Variants in MARCHF1 observed in about 807,000 individuals in gnomAD.
MARCHF1 encodes membrane associated ring-CH-type finger 1, also known as E3 ubiquitin-protein ligase MARCHF1.
A neutral mutation model predicts 54.2 loss-of-function variants in MARCHF1; 40 were observed. The observed-to-expected ratio is 0.74, with a 90% CI of 0.57 to 0.96. The LOEUF (loss-of-function observed/expected upper bound fraction) is 0.96. Ranked by LOEUF, MARCHF1 falls within the 40% of genes least tolerant of loss-of-function variation. The pLI is 0.00. For synonymous variants in MARCHF1, 236 were observed against 236.3 expected (o/e 1.00, Z 0.01); for missense variants, 586 against 656.5 (o/e 0.89, Z 1.17).
chr4:164,171,143 G>A (rs1450031000), intron 1 of MARCHF1, among the ~76,000 whole-genome samples: 3 of 152,086 alleles, frequency 2.0e-5, no homozygotes, highest in Admixed American at 6.6e-5. Context: ...CCAGAAAAAT[G>A]TCTTATGCAT....
chr4:163,808,987 G>A (rs114833165), intron 4 of MARCHF1, among the ~76,000 whole-genome samples: 2,280 of 152,196 alleles, frequency 0.015, 24 homozygotes, highest in Non-Finnish European at 0.022. Context: ...TCAAACGCCA[G>A]CACCACCTCT....
chr4:164,217,641 G>A (rs184242666), intron 1 of MARCHF1, among the ~76,000 whole-genome samples: 1 of 152,240 alleles, frequency 6.6e-6, no homozygotes, highest in East Asian at 1.9e-4. Context: ...AGCACTGATG[G>A]GCTAATCCTG....
intron 9 of MARCHF1, among the ~76,000 whole-genome samples, chr4:163,535,445 T>C (rs1055053622): frequency 6.6e-6 from 1 of 152,086 alleles, no homozygotes; most frequent in Non-Finnish European, 1.5e-5. Context: ...GACCTAGTAA[T>C]CTTTGATAGT....
At chr4:164,179,173 G>A (rs1342898294) in intron 1 of MARCHF1, among the ~76,000 whole-genome samples, 1 of 152,180 alleles carries the variant, frequency 6.6e-6, no homozygotes, top group Non-Finnish European at 1.5e-5. Flanking sequence ...GGAGCAGAAG[G>A]AGCTGGTGAT....
chr4:164,303,276 C>T (rs1455994134), intron 1 of MARCHF1, among the ~76,000 whole-genome samples: 1 of 152,178 alleles, frequency 6.6e-6, no homozygotes, highest in Admixed American at 6.5e-5. Context: ...TGTGACCAAA[C>T]TTTATGATTT....
At chr4:163,702,955 T>C (rs1276073345) in intron 4 of MARCHF1, among the ~76,000 whole-genome samples, 1 of 152,158 alleles carries the variant, frequency 6.6e-6, no homozygotes, top group Non-Finnish European at 1.5e-5. Flanking sequence ...GTGCTGGCAG[T>C]GATGTAAACT....
chr4:163,572,701 C>T (rs1739882325), intron 8 of MARCHF1, among the ~76,000 whole-genome samples: 1 of 151,996 alleles, frequency 6.6e-6, no homozygotes, highest in Non-Finnish European at 1.5e-5. Flanking sequence ...TATAGGTAAA[C>T]CTGTTTTTAC....
At chr4:164,293,478 T>C (rs1385648556) in intron 1 of MARCHF1, among the ~76,000 whole-genome samples, 3 of 152,224 alleles carry the variant, frequency 2.0e-5, no homozygotes, top group Non-Finnish European at 2.9e-5. Flanking sequence ...GATAAAACTT[T>C]CGAAAGCTCT....
At chr4:164,240,422 G>A (rs141608256) in intron 1 of MARCHF1, among the ~76,000 whole-genome samples, 1 of 152,072 alleles carries the variant, frequency 6.6e-6, no homozygotes, top group African/African-American at 2.4e-5. Context: ...AATTCCAATG[G>A]AGACTCCTCA....
chr4:163,756,663 A>G (rs1489451125), intron 4 of MARCHF1, among the ~76,000 whole-genome samples: 1 of 150,586 alleles, frequency 6.6e-6, no homozygotes, highest in African/African-American at 2.4e-5. Context: ...AAAAAGGAAA[A>G]GACAAAGAAA....
At chr4:163,628,940 A>G (rs564139367) in intron 5 of MARCHF1, among the ~76,000 whole-genome samples, 2 of 152,348 alleles carry the variant, frequency 1.3e-5, no homozygotes, top group South Asian at 4.1e-4. Context: ...GCTCATGGGT[A>G]GGAAGAATCA....
intron 4 of MARCHF1, among the ~76,000 whole-genome samples, chr4:163,771,851 C>G (rs192211020): frequency 6.6e-6 from 1 of 152,102 alleles, no homozygotes. Flanking sequence ...TTGAGAAACA[C>G]GAAACAAAGT....
chr4:164,141,924 T>C (rs1756547473), intron 1 of MARCHF1, among the ~76,000 whole-genome samples: 1 of 128,332 alleles, frequency 7.8e-6, no homozygotes, highest in Admixed American at 8.2e-5. Context: ...TTCATCTCAC[T>C]AGGGAGTGCC....
chr4:164,101,099 C>A (rs9762450), intron 2 of MARCHF1, among the ~76,000 whole-genome samples: 29,224 of 152,260 alleles, frequency 0.19, 3,288 homozygotes, highest in Non-Finnish European at 0.26. Context: ...CCGCACCTGG[C>A]TCGGAGGGTC....
intron 2 of MARCHF1, among the ~76,000 whole-genome samples, chr4:164,091,466 G>C (rs1279677291): frequency 6.8e-6 from 1 of 146,456 alleles, no homozygotes; most frequent in Non-Finnish European, 1.5e-5. Flanking sequence ...TATGTACAAT[G>C]TGTGCACTCA....
At position 163,571,791 on chromosome 4, in the gene MARCHF1, A is replaced by C. The variant is rs1447122417; in HGVS notation, c.1191+13958T>G. Among the ~76,000 whole-genome samples, 4 of 152,220 alleles carry C rather than the reference A, an allele frequency of 2.6e-5. No individual in the cohort carries two copies. In the East Asian group the frequency reaches 7.7e-4, roughly 29 times the overall value. On this transcript the variant is annotated intron_variant, in intron 8 of 9. Transcript: ENST00000514618. The stretch of plus-strand genomic sequence containing the variant: ...TTTGTTTTTTCACTGTGCCAAGTTG[A>C]AAATGGTTTTCAGCCCATCCAGCCT...
intron 2 of MARCHF1, among the ~76,000 whole-genome samples, chr4:164,065,320 C>G (rs952780280): frequency 6.6e-6 from 1 of 152,120 alleles, no homozygotes; most frequent in East Asian, 1.9e-4. Flanking sequence ...AAATGTAAAA[C>G]CCAAAACTAT....
chr4:164,260,102 TTTC>T (rs1733422918), intron 1 of MARCHF1, among the ~76,000 whole-genome samples: 1 of 152,064 alleles, frequency 6.6e-6, no homozygotes, highest in Non-Finnish European at 1.5e-5. Flanking sequence ...GATAAATAAT[TTTC>T]TTCTTGACAT....
intron 2 of MARCHF1, among the ~76,000 whole-genome samples, chr4:164,072,930 T>C (rs1032232484): frequency 6.6e-6 from 1 of 152,126 alleles, no homozygotes; most frequent in African/African-American, 2.4e-5. Flanking sequence ...GTCAAATTAG[T>C]AGTAGTGATA....
Sources: allele counts gnomAD v4.1 joint callset (sites outside exome capture counted in the v4.1 genomes callset), GRCh38; gene constraint gnomAD v4.1.1; transcripts MANE v1.5; gene names NCBI Gene and HGNC (gene_info 2026-07-23, HGNC 2026-07-21).